Variants in GRM7 observed in about 807,000 individuals in gnomAD.
GRM7 encodes the protein glutamate metabotropic receptor 7.
Under a neutral mutation model 84.5 loss-of-function variants are expected in GRM7, and 35 were observed. The observed-to-expected ratio is 0.41, with a 90% CI of 0.32 to 0.55. The LOEUF (loss-of-function observed/expected upper bound fraction) is 0.55, where lower values mean the gene tolerates loss of function less well. GRM7 is among the 20% of genes least tolerant of loss of function. The pLI is 0.19. For synonymous variants in GRM7, 487 were observed against 455.1 expected (o/e 1.07, Z -0.89); for missense variants, 1,003 against 1,194.6 (o/e 0.84, Z 2.36).
At chr3:7,525,966 G>A (rs912228153) in intron 7 of GRM7, among the ~76,000 whole-genome samples, 1 of 152,032 alleles carries the variant, frequency 6.6e-6, no homozygotes, top group Non-Finnish European at 1.5e-5. Context: ...CACCACCAAT[G>A]GGCATCAGAA....
chr3:7,621,447 A>C (rs2125088398), intron 8 of GRM7, among the ~76,000 whole-genome samples: 1 of 152,270 alleles, frequency 6.6e-6, no homozygotes, highest in Non-Finnish European at 1.5e-5. Flanking sequence ...CCCTGCCAAA[A>C]GAATTATGGA....
At chr3:7,669,606 G>C (rs1646536154) in intron 8 of GRM7, among the ~76,000 whole-genome samples, 1 of 152,206 alleles carries the variant, frequency 6.6e-6, no homozygotes, top group African/African-American at 2.4e-5. Flanking sequence ...AGGAGTCGAA[G>C]AACATGTGGA....
chr3:7,694,542 C>G (rs1015560175), intron 9 of GRM7: 2 of 186,606 alleles, frequency 1.1e-5, no homozygotes, highest in South Asian at 3.6e-4. Flanking sequence ...CCTGTCTTGT[C>G]TTCAACCTAT....
At chr3:7,075,672 C>T (rs1698047798) in intron 1 of GRM7, among the ~76,000 whole-genome samples, 1 of 151,896 alleles carries the variant, frequency 6.6e-6, no homozygotes, top group African/African-American at 2.4e-5. Context: ...ATTACAGGTG[C>T]CCGCCACCAT....
At chr3:7,131,572 A>G (rs1479973764) in intron 1 of GRM7, among the ~76,000 whole-genome samples, 1 of 152,040 alleles carries the variant, frequency 6.6e-6, no homozygotes, top group Non-Finnish European at 1.5e-5. Flanking sequence ...TCTGCCTCTC[A>G]TGTTGAAGTG....
chr3:7,477,168 G>C (rs748113307), intron 7 of GRM7, among the ~76,000 whole-genome samples: 9 of 152,138 alleles, frequency 5.9e-5, no homozygotes, highest in Non-Finnish European at 1.3e-4. Flanking sequence ...CTACAGTTGA[G>C]AGAGAAGAGA....
intron 3 of GRM7, among the ~76,000 whole-genome samples, chr3:7,301,269 C>G (rs1244133479): frequency 6.6e-6 from 1 of 152,100 alleles, no homozygotes; most frequent in African/African-American, 2.4e-5. Context: ...TTCTGATCAT[C>G]CCTTAAATAT....
At chr3:7,423,702 T>G (rs1470202085) in intron 5 of GRM7, among the ~76,000 whole-genome samples, 1 of 144,090 alleles carries the variant, frequency 6.9e-6, no homozygotes, top group African/African-American at 2.6e-5. Flanking sequence ...TTTTATGGGA[T>G]GTATAGCATC....
chr3:7,494,254 T>C (rs1243148678), intron 7 of GRM7, among the ~76,000 whole-genome samples: 1 of 152,174 alleles, frequency 6.6e-6, no homozygotes, highest in Non-Finnish European at 1.5e-5. Flanking sequence ...ATATAGACTT[T>C]ACAGTGAGCA....
intron 1 of GRM7, among the ~76,000 whole-genome samples, chr3:6,901,404 C>A (rs1361060031): frequency 1.3e-5 from 2 of 151,818 alleles, no homozygotes; most frequent in Non-Finnish European, 1.5e-5. Flanking sequence ...TCAAGACCGT[C>A]CTGGCCAACA....
intron 1 of GRM7, among the ~76,000 whole-genome samples, chr3:6,999,570 C>T (rs1694940635): frequency 6.6e-6 from 1 of 152,140 alleles, no homozygotes; most frequent in South Asian, 2.1e-4. Context: ...GCTATAAGGA[C>T]ACATCTGAGA....
At chr3:7,229,752 TATATATA>T (rs1559514694) in intron 2 of GRM7, among the ~76,000 whole-genome samples, 42 of 35,166 alleles carry the variant, frequency 1.2e-3, no homozygotes, top group Non-Finnish European at 1.4e-3. Flanking sequence ...TATATATATA[TATATATA>T]TTTTTTTTTT....
intron 8 of GRM7, among the ~76,000 whole-genome samples, chr3:7,611,857 T>G (rs530869464): frequency 6.6e-6 from 1 of 152,262 alleles, no homozygotes; most frequent in South Asian, 2.1e-4. Context: ...AACATTGAAG[T>G]TAATTCATAG....
chr3:7,271,578 A>G (rs929463812), intron 2 of GRM7, among the ~76,000 whole-genome samples: 32 of 151,268 alleles, frequency 2.1e-4, no homozygotes, highest in Non-Finnish European at 3.7e-4. Flanking sequence ...AAAAAAAAAA[A>G]AAAAAAAGAA....
intron 4 of GRM7, among the ~76,000 whole-genome samples, chr3:7,412,394 C>T (rs568817540): frequency 6.6e-6 from 1 of 152,206 alleles, no homozygotes; most frequent in Non-Finnish European, 1.5e-5. Flanking sequence ...TGTCCTCTGA[C>T]CCCCTCTTGA....
intron 2 of GRM7, among the ~76,000 whole-genome samples, chr3:7,250,529 T>C (rs1697940570): frequency 8.2e-4 from 1 of 1,214 alleles, no homozygotes; most frequent in Non-Finnish European, 1.6e-3. Context: ...ATTTATTATT[T>C]GGAAAAAATC....
chr3:7,034,731 T>C (rs1368978841), intron 1 of GRM7, among the ~76,000 whole-genome samples: 1 of 152,186 alleles, frequency 6.6e-6, no homozygotes, highest in Non-Finnish European at 1.5e-5. Context: ...CTGTGTATAG[T>C]TGCCAGAACC....
chr3:6,898,050 A>G (rs534380304), intron 1 of GRM7, among the ~76,000 whole-genome samples: 24 of 152,286 alleles, frequency 1.6e-4, no homozygotes, highest in African/African-American at 5.3e-4. Context: ...GGTGTTCTCC[A>G]TTGGTGAACC....
At chr3:7,501,380 A>G (rs1319461248) in intron 7 of GRM7, among the ~76,000 whole-genome samples, 1 of 152,194 alleles carries the variant, frequency 6.6e-6, no homozygotes, top group Non-Finnish European at 1.5e-5. Flanking sequence ...TCTGCTTTTT[A>G]AGAATTTATT....
Sources: allele counts gnomAD v4.1 joint callset (sites outside exome capture counted in the v4.1 genomes callset), GRCh38; gene constraint gnomAD v4.1.1; transcripts MANE v1.5; gene names NCBI Gene and HGNC (gene_info 2026-07-23, HGNC 2026-07-21).